TLCD4: variants seen among roughly 807,000 people sequenced by gnomAD.
TLCD4 encodes TLC domain containing 4.
TLCD4 carries 7 observed loss-of-function variants against 24.2 expected under a neutral mutation model. The ratio of observed to expected loss-of-function variants is 0.29; its 90% confidence interval spans 0.16 to 0.54. TLCD4 has a LOEUF of 0.54. Ranked by LOEUF, TLCD4 falls within the 20% of genes least tolerant of loss-of-function variation. The pLI is 0.95. For synonymous variants in TLCD4, 103 were observed against 106.4 expected, an observed-to-expected ratio of 0.97 and a Z score of 0.20; for missense variants, 259 against 313.9, an observed-to-expected ratio of 0.82 and a Z score of 1.32.
intron 5 of TLCD4, among the ~76,000 whole-genome samples, chr1:95,157,376 G>A (rs1677661620): frequency 6.6e-6 from 1 of 151,994 alleles, no homozygotes; most frequent in South Asian, 2.1e-4. Flanking sequence ...ATATTGAAGT[G>A]GTTCTGGCAA....
chr1:95,113,087 G>A (rs906251697), upstream of TLCD4, among the ~76,000 whole-genome samples: 1 of 149,588 alleles, frequency 6.7e-6, no homozygotes, highest in African/African-American at 2.5e-5. Flanking sequence ...CTGTCGCCCA[G>A]GCTGGAGTGC....
At chr1:95,190,869 T>C (rs1345954978) in intron 6 of TLCD4, among the ~76,000 whole-genome samples, 1 of 152,242 alleles carries the variant, frequency 6.6e-6, no homozygotes, top group East Asian at 1.9e-4. Flanking sequence ...TTGTGTACTT[T>C]GTATACATGT....
chr1:95,150,241 T>C lies in TLCD4; in HGVS notation c.279T>C (p.Ala93=). 1 of 1,610,754 alleles carries C rather than the reference T, an allele frequency of 6.2e-7. No homozygotes were observed. ...CATCACTTGCAAACGTGAATATTGC[T>C]ATTGCCTCAGGCTACCTCATTTCTG... ...GGPSLANVNI[A]IASGYLISDL... is the part of the protein sequence containing the mutation. Residue 93 remains alanine, a synonymous_variant, in exon 4 of 7, where the codon GCT becomes GCC. Coordinates refer to ENST00000370203, the MANE Select transcript of TLCD4 (RefSeq NM_152487.3).
At chr1:95,113,943 G>A (rs1676384797), upstream of TLCD4, among the ~76,000 whole-genome samples, 1 of 151,944 alleles carries the variant, frequency 6.6e-6, no homozygotes, top group Admixed American at 6.6e-5. Context: ...GGGCAGCATA[G>A]CAGACCCTAT....
At chr1:95,185,295 C>T (rs533480156) in intron 6 of TLCD4, among the ~76,000 whole-genome samples, 1 of 152,140 alleles carries the variant, frequency 6.6e-6, no homozygotes, top group Non-Finnish European at 1.5e-5. Flanking sequence ...CAAGGGAAGG[C>T]AGGGTAGTTT....
chr1:95,122,468 C>T (rs1193421480), intron 1 of TLCD4, among the ~76,000 whole-genome samples: 1 of 152,206 alleles, frequency 6.6e-6, no homozygotes, highest in Non-Finnish European at 1.5e-5. Flanking sequence ...TAGTTGCAGC[C>T]TCCCCTTGAC....
intron 3 of TLCD4, 148 bp downstream of exon 3, chr1:95,148,939 C>T: frequency 8.7e-7 from 1 of 1,145,184 alleles, no homozygotes; most frequent in Non-Finnish European, 1.2e-6. Flanking sequence ...TAGCAAAGTG[C>T]ATTTAAATGA....
At position 95,117,387 on chromosome 1, in the gene TLCD4, G is replaced by A. The variant is rs1400324746; in HGVS notation, c.-242G>A. On this transcript the variant is annotated 5_prime_UTR_variant, in exon 1 of 7. Coordinates refer to ENST00000370203, the MANE Select transcript of TLCD4 (RefSeq NM_152487.3). ...AGCTCTGCGGTAACCCGAGCCCGCAGTCCGGGCGGGCGCGACGGCCGCCGC... is the reference window on the plus strand; with the variant it reads ...AGCTCTGCGGTAACCCGAGCCCGCAATCCGGGCGGGCGCGACGGCCGCCGC... 1 of 152,142 alleles carries A rather than the reference G, an allele frequency of 6.6e-6. No homozygotes were observed. Among genetic ancestry groups the A allele is most frequent in the African/African-American group, 2.4e-5 (1 of 41,442 alleles). The allele number at this position is 152,142 out of a possible 1,614,324, so 9.4% of individuals were successfully genotyped here.
chr1:95,136,281 G>C (rs1471002074), intron 1 of TLCD4, among the ~76,000 whole-genome samples: 1 of 152,000 alleles, frequency 6.6e-6, no homozygotes, highest in Non-Finnish European at 1.5e-5. Flanking sequence ...TTGTTATACT[G>C]TTGTCTTTCA....
chr1:95,175,404 A>G (rs1334253020), intron 6 of TLCD4, among the ~76,000 whole-genome samples: 1 of 152,232 alleles, frequency 6.6e-6, no homozygotes, highest in Non-Finnish European at 1.5e-5. Context: ...TTCCTGTTGT[A>G]TGTGTAACAC....
intron 5 of TLCD4, among the ~76,000 whole-genome samples, chr1:95,152,713 C>A (rs1298299481): frequency 6.6e-6 from 1 of 152,126 alleles, no homozygotes; most frequent in African/African-American, 2.4e-5. Context: ...GAATCCTCTT[C>A]TGTCTATATA....
intron 1 of TLCD4, among the ~76,000 whole-genome samples, chr1:95,139,842 A>G (rs1369637346): frequency 3.3e-5 from 5 of 152,200 alleles, no homozygotes; most frequent in African/African-American, 1.2e-4. Flanking sequence ...TCCTTATTTT[A>G]TAAGCTTTCT....
intron 6 of TLCD4, among the ~76,000 whole-genome samples, chr1:95,174,973 G>A (rs1450952336): frequency 6.6e-6 from 1 of 151,942 alleles, no homozygotes; most frequent in Non-Finnish European, 1.5e-5. Flanking sequence ...ACGAGATTTC[G>A]CCATGTTGGC....
At chr1:95,163,333 A>G (rs556500607) in intron 5 of TLCD4, 1 of 152,198 alleles carries the variant, frequency 6.6e-6, no homozygotes, top group East Asian at 1.9e-4. Context: ...TTCTCGTGCC[A>G]TGGTTTTCAG....
At position 95,144,045 on chromosome 1, in the gene TLCD4, A is replaced by G; in HGVS notation, c.144A>G (p.Glu48=). 1.3e-6 allele frequency: 2 copies of G among 1,531,982 alleles called. No individual in the cohort carries two copies. The highest frequency in any genetic ancestry group is 1.8e-6 in the Non-Finnish European group (2 of 1,142,794). 94.9% of individuals were successfully genotyped at this position (1,531,982 alleles called of 1,614,324 possible). ...GTCTCAGCTTCAAAAAGAAGATTGA[A>G]TGGAACTCAAGGTAAAGCATATGAA... ...FNSLSFKKKI[E]WNSRVVSTCH... Residue 48 remains glutamate (E), a synonymous_variant, in exon 2 of 7, where the codon GAA becomes GAG. Transcript: ENST00000370203.
At chr1:95,092,662 A>C in the TLCD4 span, among the ~76,000 whole-genome samples, 1 of 152,150 alleles carries the variant, frequency 6.6e-6, no homozygotes, top group African/African-American at 2.4e-5. Context: ...TACCAGAAGG[A>C]AGAAACTCTG....
chr1:95,107,136 C>A, the TLCD4 span, among the ~76,000 whole-genome samples: 23 of 152,166 alleles, frequency 1.5e-4, no homozygotes, highest in East Asian at 3.9e-4. Context: ...AAAAATAGTT[C>A]TTTTAGGCCG....
At chr1:95,191,135 T>G (rs999603586) in intron 6 of TLCD4, among the ~76,000 whole-genome samples, 1 of 152,190 alleles carries the variant, frequency 6.6e-6, no homozygotes, top group Admixed American at 6.5e-5. Flanking sequence ...CCATTTTGAG[T>G]TAATTTTTGT....
intron 5 of TLCD4, among the ~76,000 whole-genome samples, chr1:95,154,283 T>C (rs1677571108): frequency 6.6e-6 from 1 of 152,136 alleles, no homozygotes; most frequent in Non-Finnish European, 1.5e-5. Flanking sequence ...GGCCTGCCAA[T>C]CCATTCACTT....
Sources: gnomAD v4.1 joint callset for allele counts (sites outside exome capture counted in the v4.1 genomes callset) on GRCh38, gnomAD v4.1.1 for gene constraint, MANE v1.5 for transcripts, NCBI Gene and HGNC (gene_info 2026-07-23, HGNC 2026-07-21) for gene names.